ASPRV1: variants seen among roughly 807,000 people sequenced by gnomAD.
ASPRV1 encodes the protein aspartic peptidase retroviral like 1.
Under a neutral mutation model 11.0 loss-of-function variants are expected in ASPRV1, and 7 were observed. That is an observed-to-expected ratio of 0.64 (90% CI 0.36 to 1.20). ASPRV1 has a LOEUF of 1.20. Ranked by LOEUF, ASPRV1 falls within the 50% of genes most tolerant of loss-of-function variation. The probability of loss-of-function intolerance (pLI) is 0.02; values close to 1 mark genes in which losing one functional copy is unlikely to be tolerated. For synonymous variants in ASPRV1, 136 were observed against 138.4 expected, an observed-to-expected ratio of 0.98 and a Z score of 0.12; for missense variants, 299 against 320.0, an observed-to-expected ratio of 0.93 and a Z score of 0.50.
chr2:70,074,568 G>A, the ASPRV1 span, among the ~76,000 whole-genome samples: 3 of 151,282 alleles, frequency 2.0e-5, no homozygotes, highest in Non-Finnish European at 4.4e-5. Context: ...GAGCCACCGC[G>A]CCTGGCCCCA....
At chr2:70,034,010 C>T in the ASPRV1 span, among the ~76,000 whole-genome samples, 1 of 151,636 alleles carries the variant, frequency 6.6e-6, no homozygotes, top group Non-Finnish European at 1.5e-5. Flanking sequence ...AAAAATTAGC[C>T]GGGCGAGGTG....
chr2:70,064,603 C>A, the ASPRV1 span, among the ~76,000 whole-genome samples: 1 of 152,046 alleles, frequency 6.6e-6, no homozygotes, highest in African/African-American at 2.4e-5. Flanking sequence ...AAAGGCCTTG[C>A]AGCAAGAAAG....
the ASPRV1 span, among the ~76,000 whole-genome samples, chr2:70,052,435 T>C: frequency 7.9e-5 from 12 of 152,160 alleles, no homozygotes; most frequent in Non-Finnish European, 1.0e-4. Flanking sequence ...CACATATATA[T>C]GCTCATATTC....
the ASPRV1 span, among the ~76,000 whole-genome samples, chr2:69,970,467 C>T: frequency 7.9e-5 from 12 of 152,266 alleles, no homozygotes; most frequent in Non-Finnish European, 1.5e-4. Flanking sequence ...CCAAACAGGA[C>T]GGGCTTTCTC....
the ASPRV1 span, among the ~76,000 whole-genome samples, chr2:70,072,272 T>C: frequency 6.6e-6 from 1 of 151,546 alleles, no homozygotes; most frequent in Admixed American, 6.6e-5. Flanking sequence ...ATTTTTAGAA[T>C]TAGCCTGGTG....
chr2:70,060,771 G>A, the ASPRV1 span, among the ~76,000 whole-genome samples: 5 of 152,098 alleles, frequency 3.3e-5, no homozygotes, highest in African/African-American at 7.2e-5. Flanking sequence ...AGCTGAGATC[G>A]CTCCACTGCA....
the ASPRV1 span, among the ~76,000 whole-genome samples, chr2:70,021,226 C>G: frequency 1.3e-5 from 2 of 152,048 alleles, no homozygotes; most frequent in African/African-American, 4.8e-5. Flanking sequence ...TCACAGATAG[C>G]AGGATTTCCT....
chr2:70,055,176 G>A, the ASPRV1 span, among the ~76,000 whole-genome samples: 6 of 152,052 alleles, frequency 3.9e-5, no homozygotes, highest in East Asian at 3.9e-4. Context: ...GGTGGCGCAC[G>A]CCTGTAATCC....
At chr2:70,027,698 G>A in the ASPRV1 span, among the ~76,000 whole-genome samples, 6 of 152,184 alleles carry the variant, frequency 3.9e-5, no homozygotes, top group Non-Finnish European at 1.5e-5. Context: ...AGGAAGGGTA[G>A]GAGAGAGACT....
chr2:69,963,690 G>A (rs1390239685), upstream of ASPRV1, among the ~76,000 whole-genome samples: 1 of 152,178 alleles, frequency 6.6e-6, no homozygotes, highest in Non-Finnish European at 1.5e-5. Context: ...GACCTCATTT[G>A]AGTGGGTTTG....
chr2:69,999,631 G>C, the ASPRV1 span, among the ~76,000 whole-genome samples: 1 of 134,120 alleles, frequency 7.5e-6, no homozygotes, highest in Non-Finnish European at 1.5e-5. Flanking sequence ...ACTCCAGCCT[G>C]AGTGACAGAG....
the ASPRV1 span, among the ~76,000 whole-genome samples, chr2:70,056,872 T>C: frequency 1.3e-5 from 2 of 151,596 alleles, no homozygotes; most frequent in Non-Finnish European, 2.9e-5. Context: ...GTAGCTGGGA[T>C]TACAGGCGTG....
At chr2:69,976,989 C>T in the ASPRV1 span, among the ~76,000 whole-genome samples, 3 of 151,990 alleles carry the variant, frequency 2.0e-5, no homozygotes, top group Non-Finnish European at 4.4e-5. Context: ...GTCAGGAGTT[C>T]GAGACCAGCC....
chr2:69,946,612 G>C, the ASPRV1 span, among the ~76,000 whole-genome samples: 1 of 152,170 alleles, frequency 6.6e-6, no homozygotes, highest in Non-Finnish European at 1.5e-5. Flanking sequence ...CATGTGACTT[G>C]GATTTTCAGA....
downstream of ASPRV1, among the ~76,000 whole-genome samples, chr2:69,956,417 G>A (rs962084282): frequency 1.4e-4 from 17 of 122,744 alleles, no homozygotes; most frequent in Non-Finnish European, 2.1e-4. Flanking sequence ...ACCCTGTGAA[G>A]AAGAAAGAAG....
In ASPRV1 at chr2:69,960,254, G is replaced by C. The variant is rs1572875359; in HGVS notation, c.*403C>G. On this transcript the variant is annotated 3_prime_UTR_variant, in exon 1 of 1. Transcript: ENST00000320256. ...CTGTGACCCTCACAAAGACCCTGCA[G>C]CTAGGACCCAGCCCAACTAAGACAG... 1 of 190,158 alleles carries C rather than the reference G, an allele frequency of 5.3e-6. No homozygotes were observed. Among genetic ancestry groups the C allele is most frequent in the East Asian group, 1.3e-4 (1 of 7,842 alleles). 11.8% of individuals were successfully genotyped at this position (190,158 alleles called of 1,614,324 possible). A position where few individuals can be genotyped will look rare whatever the true frequency, so the allele number is the denominator to read the frequency against.
upstream of ASPRV1, among the ~76,000 whole-genome samples, chr2:69,965,038 C>A (rs1157071417): frequency 6.6e-6 from 1 of 152,102 alleles, no homozygotes; most frequent in Non-Finnish European, 1.5e-5. Flanking sequence ...GAGTTCACTC[C>A]AAACACTTTA....
At chr2:69,942,610 ACAAC>A in the ASPRV1 span, 1 of 152,164 alleles carries the variant, frequency 6.6e-6, no homozygotes, top group Non-Finnish European at 1.5e-5. Flanking sequence ...CTTTTACCTG[ACAAC>A]CAAACTTGCC....
At chr2:70,041,088 G>C in the ASPRV1 span, among the ~76,000 whole-genome samples, 4 of 152,192 alleles carry the variant, frequency 2.6e-5, no homozygotes. Flanking sequence ...GATGCTCAAA[G>C]AACATACCTA....
Sources: gnomAD v4.1 joint callset for allele counts (sites outside exome capture counted in the v4.1 genomes callset) on GRCh38, gnomAD v4.1.1 for gene constraint, MANE v1.5 for transcripts, NCBI Gene and HGNC (gene_info 2026-07-23, HGNC 2026-07-21) for gene names.